The following ATAD3A variants were observed in gnomAD, a reference collection of about 807,000 sequenced individuals.
ATAD3A encodes the protein ATPase family AAA domain-containing protein 3A.
In ATAD3A, 46 loss-of-function variants were observed where a neutral mutation model predicts 73.8. The observed-to-expected ratio is 0.62, with a 90% confidence interval of 0.49 to 0.80. The LOEUF (loss-of-function observed/expected upper bound fraction) is 0.80, where lower values mean the gene tolerates loss of function less well. ATAD3A is among the 30% of genes least tolerant of loss of function. The pLI is 0.00. For synonymous variants in ATAD3A, 319 were observed against 350.0 expected (o/e 0.91, Z 0.99); for missense variants, 705 against 838.0 (o/e 0.84, Z 1.96).
chr1:1,514,235 A>AG (rs958744832), intron 1 of ATAD3A, among the ~76,000 whole-genome samples: 8 of 151,904 alleles, frequency 5.3e-5, no homozygotes, highest in Non-Finnish European at 1.2e-4. Flanking sequence ...AGCCATTTTC[A>AG]GGGGAGGGAG....
intron 4 of ATAD3A, 36 bp downstream of exon 4, chr1:1,517,811 C>CT (rs781292496): frequency 2.7e-6 from 3 of 1,125,788 alleles, no homozygotes; most frequent in Non-Finnish European, 4.0e-6. Flanking sequence ...GCCTGCGTCC[C>CT]TGAGAACGTA....
intron 14 of ATAD3A, among the ~76,000 whole-genome samples, chr1:1,528,632 C>T (rs1377711328): frequency 6.6e-6 from 1 of 152,256 alleles, no homozygotes; most frequent in Admixed American, 6.5e-5. Context: ...GCACCACACA[C>T]CGGCTGCCTC....
intron 14 of ATAD3A, among the ~76,000 whole-genome samples, chr1:1,528,953 C>T (rs978313439): frequency 5.3e-5 from 8 of 152,248 alleles, no homozygotes; most frequent in African/African-American, 1.9e-4. Flanking sequence ...AGCATAAAGG[C>T]CACCTGCCCT....
chr1:1,521,848 C>T (rs1036295738), intron 7 of ATAD3A, among the ~76,000 whole-genome samples: 4 of 151,146 alleles, frequency 2.6e-5, no homozygotes, highest in Admixed American at 6.6e-5. Context: ...TACAGGCTCA[C>T]GTCACCACAC....
chr1:1,523,687 C>G lies in ATAD3A; in HGVS notation c.963+120C>G. The G allele has an allele frequency of 1.3e-6, 2 of 1,589,910 alleles. No individual in the cohort carries two copies. Among genetic ancestry groups the G allele is most frequent in the Non-Finnish European group, 1.7e-6 (2 of 1,166,012 alleles). ...GGAGCTTTTGGGTCCTGAGATGCGACTGCTTGGACCGTGCTGGGGATAGAT... is the reference window on the plus strand; with the variant it reads ...GGAGCTTTTGGGTCCTGAGATGCGAGTGCTTGGACCGTGCTGGGGATAGAT... On this transcript the variant is annotated intron_variant, in intron 9 of 15. Transcript: ENST00000378756. This position sits in a 1 kb window ranked among gnomAD's most constrained non-coding sequence, Gnocchi z 5.1.
intron 4 of ATAD3A, 81 bp from the exon 5 acceptor site, chr1:1,518,838 ACT>A (rs1248511619): frequency 1.7e-5 from 27 of 1,605,838 alleles, no homozygotes; most frequent in Middle Eastern, 1.7e-4. Context: ...CCCCCTGCAC[ACT>A]CGGGCACAGT....
In ATAD3A at chr1:1,518,621, A is replaced by ACCCC. The variant is rs148694040; in HGVS notation, c.445-294_445-291dup. 4.8e-3 allele frequency among the ~76,000 whole-genome samples: 181 copies of ACCCC among 38,092 alleles called. 3 individuals are homozygous for ACCCC. The highest frequency in any genetic ancestry group is 0.022 in the African/African-American group (113 of 5,226). The allele number at this position is 38,092 out of a possible 152,430, so 25.0% of individuals were successfully genotyped here. On this transcript the variant is annotated intron_variant, in intron 4 of 15. Transcript: ENST00000378756. ...CACACACCCACACACGGGCGTACAC[A>ACCCC]CCCCCCCCCACAGGCACGCACAACC...
At chr1:1,528,958 T>A (rs1641944050) in intron 14 of ATAD3A, among the ~76,000 whole-genome samples, 2 of 152,230 alleles carry the variant, frequency 1.3e-5, no homozygotes, top group South Asian at 4.1e-4. Flanking sequence ...AAAGGCCACC[T>A]GCCCTGCGGG....
intron 14 of ATAD3A, among the ~76,000 whole-genome samples, chr1:1,528,418 C>A (rs930276778): frequency 1.3e-5 from 2 of 152,236 alleles, no homozygotes; most frequent in African/African-American, 2.4e-5. Context: ...ACCCCCGTGT[C>A]GGGACTGGAG....
chr1:1,525,865 C>G (rs1641819653), intron 12 of ATAD3A, among the ~76,000 whole-genome samples: 1 of 152,084 alleles, frequency 6.6e-6, no homozygotes, highest in African/African-American at 2.4e-5. Flanking sequence ...AGTGGAATAC[C>G]TGTCTAATTT....
intron 4 of ATAD3A, 90 bp from the exon 5 acceptor site, chr1:1,518,831 C>A (rs1190683011): frequency 1.2e-6 from 2 of 1,610,062 alleles, no homozygotes; most frequent in Non-Finnish European, 1.7e-6. Context: ...CACTCACCCC[C>A]CTGCACACTC....
At chr1:1,513,462 C>T (rs1278475638) in intron 1 of ATAD3A, among the ~76,000 whole-genome samples, 1 of 150,930 alleles carries the variant, frequency 6.6e-6, no homozygotes, top group Non-Finnish European at 1.5e-5. Flanking sequence ...TCCTGGCGGC[C>T]CCGGAGCTCC....
chr1:1,525,202 G>T, intron 11 of ATAD3A, 38 bp from the exon 12 acceptor site: 1 of 1,612,702 alleles, frequency 6.2e-7, no homozygotes, highest in Non-Finnish European at 8.5e-7. Flanking sequence ...TGCTCCTGGT[G>T]TCACTCTCGC....
rs768545578 is a variant in ATAD3A at position 1,534,103 on chromosome 1, C to T, written c.*31C>T. ...CAGGGAGATCCACAGCTCACGGAGCCTGGCCGCGGACCCCTCCCACCCCTG... is the reference window on the plus strand; with the variant it reads ...CAGGGAGATCCACAGCTCACGGAGCTTGGCCGCGGACCCCTCCCACCCCTG... On this transcript the variant is annotated 3_prime_UTR_variant, in exon 16 of 16. Coordinates refer to ENST00000378756, the MANE Select transcript of ATAD3A (RefSeq NM_001170535.3). 1.2e-6 allele frequency: 2 copies of T among 1,613,296 alleles called. No homozygotes were observed. Among genetic ancestry groups the T allele is most frequent in the Non-Finnish European group, 1.7e-6 (2 of 1,179,772 alleles).
chr1:1,533,877 GT>G, intron 15 of ATAD3A, 48 bp from the exon 16 acceptor site: 2 of 1,595,190 alleles, frequency 1.3e-6, no homozygotes, highest in South Asian at 2.2e-5. Flanking sequence ...TGCATTTGGG[GT>G]GGGGGGTTCC....
At chr1:1,524,001 G>C (rs112892832) in intron 10 of ATAD3A, 37 bp downstream of exon 10, 1 of 1,612,948 alleles carries the variant, frequency 6.2e-7, no homozygotes, top group East Asian at 2.2e-5. Context: ...GCCAGGGGCC[G>C]CTGGGGTCTC....
chr1:1,517,357 C>G lies in ATAD3A; in HGVS notation c.329C>G (p.Ala110Gly), dbSNP rs759611921. 9 of 1,538,804 alleles carry G rather than the reference C, an allele frequency of 5.8e-6. No homozygotes were observed. Among genetic ancestry groups the G allele is most frequent in the African/African-American group, 1.4e-5 (1 of 69,018 alleles). The change falls in exon 3 of 16, where the codon GCG becomes GGG. Residue 110 changes from alanine to glycine, a missense_variant. Ala to Gly is a moderately conservative substitution (Grantham distance 60). Transcript: ENST00000378756. ...CAGCTCAAGAGCGAGCAGATCCGGG[C>G]GCAGGCTGAGGAGAGGAGGAAGACC... Reference protein sequence around the residue: ...VEQLKSEQIRAQAEERRKTLS... With the variant: ...VEQLKSEQIRGQAEERRKTLS...
At chr1:1,521,298 CAAAAAAAAAAAAA>C (rs1001385922) in intron 7 of ATAD3A, among the ~76,000 whole-genome samples, 58 of 25,366 alleles carry the variant, frequency 2.3e-3, no homozygotes, top group African/African-American at 4.7e-3. Flanking sequence ...GGCTTCTTCT[CAAAAAAAAAAAAA>C]AAAAAAAAAA....
chr1:1,525,164 C>T (rs550766381), intron 11 of ATAD3A, 76 bp from the exon 12 acceptor site: 12 of 1,599,434 alleles, frequency 7.5e-6, no homozygotes, highest in Admixed American at 3.3e-5. Context: ...TTGGCCTGCT[C>T]CTGCCGCGGC....
Sources: gnomAD v4.1 joint callset for allele counts (sites outside exome capture counted in the v4.1 genomes callset) on GRCh38, gnomAD v4.1.1 for gene constraint, Gnocchi (gnomAD v3.1) non-coding constraint, MANE v1.5 for transcripts, NCBI Gene and HGNC (gene_info 2026-07-23, HGNC 2026-07-21) for gene names.